The following GALNT17 variants were observed in gnomAD, a reference collection of about 807,000 sequenced individuals.
GALNT17 encodes the protein polypeptide N-acetylgalactosaminyltransferase 17, also known as UDP-GalNAc:polypeptide N-acetylgalactosaminyltransferase-like 3.
A neutral mutation model predicts 63.7 loss-of-function variants in GALNT17; 29 were observed. The observed-to-expected ratio is 0.46, with a 90% confidence interval of 0.34 to 0.62. The LOEUF is 0.62. Among genes scored for constraint, GALNT17 ranks in the 20% least tolerant of loss-of-function variants. The probability of loss-of-function intolerance (pLI) is 0.01; values close to 1 mark genes in which losing one functional copy is unlikely to be tolerated. For synonymous variants in GALNT17, 305 were observed against 318.3 expected (o/e 0.96, Z 0.45); for missense variants, 603 against 799.6 (o/e 0.75, Z 2.97).
At chr7:71,350,902 A>G (rs1172385774) in intron 2 of GALNT17, among the ~76,000 whole-genome samples, 1 of 152,226 alleles carries the variant, frequency 6.6e-6, no homozygotes, top group African/African-American at 2.4e-5. Flanking sequence ...GCACTTTGGG[A>G]GGCCAAGGCT....
chr7:71,144,927 A>T (rs141750748), intron 1 of GALNT17, among the ~76,000 whole-genome samples: 1 of 152,200 alleles, frequency 6.6e-6, no homozygotes, highest in Non-Finnish European at 1.5e-5. Flanking sequence ...ATGGGGTTTC[A>T]CCATGTTAGC....
chr7:71,333,701 A>T (rs1791846343), intron 1 of GALNT17, among the ~76,000 whole-genome samples: 2 of 152,098 alleles, frequency 1.3e-5, no homozygotes, highest in South Asian at 4.1e-4. Flanking sequence ...GGGTTTCACC[A>T]TGTTGGCCAG....
intron 6 of GALNT17, among the ~76,000 whole-genome samples, chr7:71,593,149 C>CAAT (rs59397445): frequency 0.088 from 12,910 of 146,728 alleles, 1,185 homozygotes; most frequent in African/African-American, 0.24. Context: ...GACCTTGTTG[C>CAAT]AATAATAATA....
intron 9 of GALNT17, among the ~76,000 whole-genome samples, chr7:71,696,313 A>G (rs1403005284): frequency 6.6e-6 from 1 of 151,800 alleles, no homozygotes; most frequent in African/African-American, 2.4e-5. Context: ...GTGTTTCACT[A>G]TGTTACCCAG....
intron 9 of GALNT17, among the ~76,000 whole-genome samples, chr7:71,683,757 C>A (rs1333782903): frequency 6.6e-6 from 1 of 152,094 alleles, no homozygotes; most frequent in Admixed American, 6.6e-5. Flanking sequence ...CTTGTAATCC[C>A]AGCACTTTGG....
intron 1 of GALNT17, among the ~76,000 whole-genome samples, chr7:71,231,808 C>T (rs1158459550): frequency 6.6e-6 from 1 of 151,310 alleles, no homozygotes; most frequent in African/African-American, 2.4e-5. Flanking sequence ...TCTTTCTCTT[C>T]TTATAAGGGC....
At chr7:71,276,240 G>C (rs34084047) in intron 1 of GALNT17, among the ~76,000 whole-genome samples, 4 of 151,766 alleles carry the variant, frequency 2.6e-5, no homozygotes, top group African/African-American at 4.8e-5. Flanking sequence ...CTGCAGGGGT[G>C]GGGGTGGTCC....
At chr7:71,321,384 C>A (rs1173950056) in intron 1 of GALNT17, among the ~76,000 whole-genome samples, 3 of 152,168 alleles carry the variant, frequency 2.0e-5, no homozygotes, top group Non-Finnish European at 4.4e-5. Flanking sequence ...GACAGACATA[C>A]GTGTTTATCT....
chr7:71,376,557 G>A (rs1487168087), intron 2 of GALNT17, among the ~76,000 whole-genome samples: 3 of 149,396 alleles, frequency 2.0e-5, no homozygotes, highest in African/African-American at 7.4e-5. Context: ...GTGTGCGAGT[G>A]TGTGTGTATG....
At chr7:71,561,064 G>A (rs920569174) in intron 5 of GALNT17, among the ~76,000 whole-genome samples, 6 of 152,138 alleles carry the variant, frequency 3.9e-5, no homozygotes, top group Non-Finnish European at 7.4e-5. Flanking sequence ...CCAGGCTGGA[G>A]TGCAGTGGCA....
chr7:71,187,095 A>G (rs934629351), intron 1 of GALNT17, among the ~76,000 whole-genome samples: 1 of 152,118 alleles, frequency 6.6e-6, no homozygotes, highest in African/African-American at 2.4e-5. Context: ...GAAGACGACT[A>G]CAACTTTTAG....
chr7:71,421,901 G>C (rs958404412), intron 5 of GALNT17, among the ~76,000 whole-genome samples: 4 of 148,488 alleles, frequency 2.7e-5, no homozygotes, highest in African/African-American at 7.4e-5. Flanking sequence ...AGTGAGCTGA[G>C]ATCATGCCAT....
intron 6 of GALNT17, among the ~76,000 whole-genome samples, chr7:71,639,885 G>C (rs893398327): frequency 2.6e-5 from 4 of 152,184 alleles, no homozygotes; most frequent in Non-Finnish European, 5.9e-5. Context: ...GAGGATGGTT[G>C]ATTGCGGGAA....
At chr7:71,490,646 T>G (rs1787991029) in intron 5 of GALNT17, among the ~76,000 whole-genome samples, 1 of 151,872 alleles carries the variant, frequency 6.6e-6, no homozygotes, top group Admixed American at 6.6e-5. Flanking sequence ...GTGCCTATAC[T>G]CACAGTACTT....
intron 5 of GALNT17, among the ~76,000 whole-genome samples, chr7:71,472,240 C>T (rs914593653): frequency 6.6e-6 from 1 of 152,120 alleles, no homozygotes; most frequent in Non-Finnish European, 1.5e-5. Context: ...CCCGAAGGCT[C>T]CACCTCCTAA....
In GALNT17 at chr7:71,342,531, A is replaced by T. The variant is rs577269694; in HGVS notation, c.422+6798A>T. ...AGCTTGTGAAAAAGCAAAGCAATTA[A>T]TACAGAAAAAAAACAAAAGCTCTCC... On this transcript the variant is annotated intron_variant, in intron 2 of 10. Coordinates refer to ENST00000333538, the MANE Select transcript of GALNT17 (RefSeq NM_022479.3). Among the ~76,000 whole-genome samples the T allele has an allele frequency of 1.5e-4, 23 of 152,308 alleles. No individual in the cohort carries two copies. The South Asian group carries it at 4.8e-3, about 32-fold the overall frequency.
intron 1 of GALNT17, among the ~76,000 whole-genome samples, chr7:71,148,856 A>G (rs1265788437): frequency 9.9e-6 from 1 of 100,778 alleles, no homozygotes; most frequent in Non-Finnish European, 1.9e-5. Flanking sequence ...GTATTATGGT[A>G]TTTTTATATA....
chr7:71,222,266 A>G (rs1585891991), intron 1 of GALNT17, among the ~76,000 whole-genome samples: 1 of 151,896 alleles, frequency 6.6e-6, no homozygotes, highest in Non-Finnish European at 1.5e-5. Flanking sequence ...CCCAAATCCA[A>G]TCCAGGGTCC....
At chr7:71,608,966 C>T (rs1436170502) in intron 6 of GALNT17, among the ~76,000 whole-genome samples, 7 of 125,838 alleles carry the variant, frequency 5.6e-5, no homozygotes, top group African/African-American at 1.0e-4. Context: ...TTTTTGGTAG[C>T]GATGGGGTCC....
Sources: gnomAD v4.1 joint callset for allele counts (sites outside exome capture counted in the v4.1 genomes callset) on GRCh38, gnomAD v4.1.1 for gene constraint, MANE v1.5 for transcripts, NCBI Gene and HGNC (gene_info 2026-07-23, HGNC 2026-07-21) for gene names.